Variants in HERC3 observed in about 807,000 individuals in gnomAD.
HERC3 encodes HECT and RLD domain containing E3 ubiquitin protein ligase 3, also known as probable E3 ubiquitin-protein ligase HERC3.
A neutral mutation model predicts 129.9 loss-of-function variants in HERC3; 58 were observed. The ratio of observed to expected loss-of-function variants is 0.45; its 90% CI spans 0.36 to 0.56. HERC3 has a LOEUF of 0.56. Ranked by LOEUF, HERC3 falls within the 20% of genes least tolerant of loss-of-function variation. The pLI, the probability that HERC3 is intolerant of heterozygous loss-of-function variation, is 0.00. For synonymous variants in HERC3, 430 were observed against 451.0 expected, an observed-to-expected ratio of 0.95 and a Z score of 0.59; for missense variants, 835 against 1,244.2, an observed-to-expected ratio of 0.67 and a Z score of 4.95.
the HERC3 span, among the ~76,000 whole-genome samples, chr4:88,526,279 C>A: frequency 6.6e-6 from 1 of 152,162 alleles, no homozygotes; most frequent in Non-Finnish European, 1.5e-5. Flanking sequence ...GATTATCACA[C>A]ACATGAAGTT....
At chr4:88,678,283 C>A in intron 19 of HERC3, 149 bp downstream of exon 19, 1 of 644,666 alleles carries the variant, frequency 1.6e-6, no homozygotes, top group Non-Finnish European at 2.7e-6. Context: ...TTTGTCAAAT[C>A]ACCAAACAGA....
At chr4:88,667,784 A>T in intron 13 of HERC3, 108 bp from the exon 14 acceptor site, 1 of 814,426 alleles carries the variant, frequency 1.2e-6, no homozygotes, top group Non-Finnish European at 2.0e-6. Flanking sequence ...CTCAGTGCAT[A>T]GTGAATGAAT....
In HERC3 at chr4:88,667,941, C is replaced by A. The variant is rs868413497; in HGVS notation, c.1493C>A (p.Pro498Gln). 6.2e-7 allele frequency: 1 copy of A among 1,613,438 alleles called. No homozygotes were observed. The highest frequency in any genetic ancestry group is 8.5e-7 in the Non-Finnish European group (1 of 1,179,468). ...CTGATTCCCCAGTTGTCAAGCTCAC[C>A]ACCAGATGTTGAAGCCATGAGAATC... is the stretch of plus-strand genomic sequence containing the variant. ...SCLIPQLSSS[P>Q]PDVEAMRIYL... The change falls in exon 14 of 26, where the codon CCA becomes CAA. Residue 498 changes from proline (P) to glutamine (Q), a missense_variant. Physicochemically the swap from Pro to Gln is moderately conservative, Grantham distance 76. Coordinates refer to ENST00000402738, the MANE Select transcript of HERC3 (RefSeq NM_014606.3).
At chr4:88,685,833 ATATTT>A (rs1357805915) in intron 21 of HERC3, among the ~76,000 whole-genome samples, 3 of 152,134 alleles carry the variant, frequency 2.0e-5, no homozygotes, top group Non-Finnish European at 4.4e-5. Context: ...TCTTCTATAT[ATATTT>A]TATCTGTGTA....
the HERC3 span, among the ~76,000 whole-genome samples, chr4:88,540,404 T>C: frequency 6.6e-6 from 1 of 151,776 alleles, no homozygotes; most frequent in Non-Finnish European, 1.5e-5. Flanking sequence ...AGAAAAAAAG[T>C]AGAAAGAAAT....
At chr4:88,692,905 A>G in intron 23 of HERC3, 3 of 985,408 alleles carry the variant, frequency 3.0e-6, no homozygotes, top group Non-Finnish European at 3.6e-6. Flanking sequence ...CCCTAGGAAG[A>G]AAAATGACTT....
chr4:88,541,300 G>A, the HERC3 span, among the ~76,000 whole-genome samples: 4 of 151,702 alleles, frequency 2.6e-5, no homozygotes, highest in East Asian at 1.9e-4. Flanking sequence ...CCCTAGTCTC[G>A]GATAAAAGAG....
At chr4:88,546,670 C>G in the HERC3 span, among the ~76,000 whole-genome samples, 13 of 152,188 alleles carry the variant, frequency 8.5e-5, no homozygotes, top group African/African-American at 3.1e-4. Flanking sequence ...CGCCACCATG[C>G]CTGGCTAATC....
intron 3 of HERC3, among the ~76,000 whole-genome samples, chr4:88,641,847 G>A (rs1400344023): frequency 6.6e-6 from 1 of 152,064 alleles, no homozygotes; most frequent in Non-Finnish European, 1.5e-5. Flanking sequence ...GGCCGGGCAC[G>A]GTGCTCATGC....
chr4:88,549,930 G>A, the HERC3 span, among the ~76,000 whole-genome samples: 1 of 152,154 alleles, frequency 6.6e-6, no homozygotes, highest in East Asian at 1.9e-4. Context: ...CACCTAGAAA[G>A]TCAGGATACG....
At chr4:88,674,556 A>G (rs1221266473) in intron 16 of HERC3, among the ~76,000 whole-genome samples, 2 of 152,232 alleles carry the variant, frequency 1.3e-5, no homozygotes, top group Admixed American at 6.5e-5. Context: ...TCTGAGAGAC[A>G]GATTAGGAAA....
chr4:88,696,514 A>C (rs962696763), intron 23 of HERC3: 1 of 148,656 alleles, frequency 6.7e-6, no homozygotes, highest in African/African-American at 2.5e-5. Context: ...GTAACTAATG[A>C]ATACATATGT....
intron 2 of HERC3, among the ~76,000 whole-genome samples, chr4:88,601,795 G>T (rs1299049195): frequency 7.4e-6 from 1 of 135,942 alleles, no homozygotes; most frequent in South Asian, 2.4e-4. Context: ...GGTGGCTTAC[G>T]CCTGTAATCC....
intron 23 of HERC3, among the ~76,000 whole-genome samples, chr4:88,690,853 A>G (rs551249397): frequency 6.6e-6 from 1 of 152,272 alleles, no homozygotes; most frequent in East Asian, 1.9e-4. Flanking sequence ...TGAATCAACA[A>G]TTGAATTGAC....
intron 3 of HERC3, among the ~76,000 whole-genome samples, chr4:88,629,851 G>A (rs1269045572): frequency 2.0e-5 from 3 of 152,070 alleles, no homozygotes; most frequent in African/African-American, 7.2e-5. Context: ...GCCTCTTTTT[G>A]TAAAGAATTG....
chr4:88,563,279 T>C, the HERC3 span, among the ~76,000 whole-genome samples: 2 of 152,206 alleles, frequency 1.3e-5, no homozygotes, highest in African/African-American at 4.8e-5. Flanking sequence ...GTTGCTTTGT[T>C]GATTTCTTTT....
chr4:88,586,875 G>C, the HERC3 span, among the ~76,000 whole-genome samples: 1 of 152,032 alleles, frequency 6.6e-6, no homozygotes, highest in African/African-American at 2.4e-5. Context: ...AGTACAATGG[G>C]AAAAATGATA....
At position 88,662,686 on chromosome 4, in the gene HERC3, G is replaced by A. The variant is rs572228017; in HGVS notation, c.1271+131G>A. Reference sequence around the variant, plus strand: ...GGTTTTACATTATAGGGAATCGTGGGTTATTTTTGGTTACTATTTCAGGGT... The same window carrying A: ...GGTTTTACATTATAGGGAATCGTGGATTATTTTTGGTTACTATTTCAGGGT... On this transcript the variant is annotated intron_variant, in intron 11 of 25. Coordinates refer to ENST00000402738, the MANE Select transcript of HERC3 (RefSeq NM_014606.3). 5.4e-6 allele frequency: 5 copies of A among 928,480 alleles called. No individual in the cohort carries two copies. The South Asian group carries it at 8.8e-5, about 16-fold the overall frequency. 57.5% of individuals were successfully genotyped at this position (928,480 alleles called of 1,614,324 possible).
At chr4:88,565,038 C>T in the HERC3 span, among the ~76,000 whole-genome samples, 1 of 151,966 alleles carries the variant, frequency 6.6e-6, no homozygotes, top group African/African-American at 2.4e-5. Context: ...TGTATAGTTT[C>T]CAATGTTCCT....
Sources: allele counts gnomAD v4.1 joint callset (sites outside exome capture counted in the v4.1 genomes callset), GRCh38; gene constraint gnomAD v4.1.1; transcripts MANE v1.5; gene names NCBI Gene and HGNC (gene_info 2026-07-23, HGNC 2026-07-21).